The following A2ML1 variants were observed in gnomAD, a reference collection of about 807,000 sequenced individuals.
A2ML1 encodes the protein alpha-2-macroglobulin-like protein 1.
Under a neutral mutation model 181.9 loss-of-function variants are expected in A2ML1, and 161 were observed. The observed-to-expected ratio is 0.89, with a 90% CI of 0.78 to 1.01. The LOEUF (loss-of-function observed/expected upper bound fraction) is 1.01, where lower values mean the gene tolerates loss of function less well. Among genes scored for constraint, A2ML1 ranks in the 50% least tolerant of loss-of-function variants. The probability of loss-of-function intolerance (pLI) is 0.00; values close to 1 mark genes in which losing one functional copy is unlikely to be tolerated. For missense variants in A2ML1, 1,670 were observed against 1,768.1 expected, an observed-to-expected ratio of 0.94 and a Z score of 1.00; for synonymous variants, 663 against 666.8, an observed-to-expected ratio of 0.99 and a Z score of 0.09.
In A2ML1 at chr12:8,829,774, G is replaced by T; in HGVS notation, c.457G>T (p.Asp153Tyr). 6.2e-7 allele frequency: 1 copy of T among 1,613,954 alleles called. No individual in the cohort carries two copies. The highest frequency in any genetic ancestry group is 1.1e-5 in the South Asian group (1 of 91,068). Reference sequence around the variant, plus strand: ...GGATAGCAACTTCGTTCCAGTGAATGACAAGGTGAGTTGGGAGGAGGAGAA... The same window carrying T: ...GGATAGCAACTTCGTTCCAGTGAATTACAAGGTGAGTTGGGAGGAGGAGAA... ...TMDSNFVPVN[D>Y]KYSMVELQDP... The change falls in exon 4 of 36, where the codon GAC becomes TAC. Residue 153 changes from aspartate (D) to tyrosine (Y), a missense_variant. Coordinates refer to ENST00000299698, the MANE Select transcript of A2ML1 (RefSeq NM_144670.6).
intron 29 of A2ML1, among the ~76,000 whole-genome samples, chr12:8,866,526 A>G (rs1944434327): frequency 6.6e-6 from 1 of 152,076 alleles, no homozygotes; most frequent in Non-Finnish European, 1.5e-5. Flanking sequence ...AGTGACAGGT[A>G]TATGTCAGAA....
intron 28 of A2ML1, among the ~76,000 whole-genome samples, chr12:8,863,196 T>C (rs1329424505): frequency 6.6e-6 from 1 of 151,662 alleles, no homozygotes; most frequent in Non-Finnish European, 1.5e-5. Context: ...AACCTCCACC[T>C]CCCGGGTTCA....
intron 4 of A2ML1, 92 bp from the exon 5 acceptor site, chr12:8,834,570 G>A: frequency 1.4e-6 from 2 of 1,477,676 alleles, no homozygotes; most frequent in East Asian, 4.5e-5. Flanking sequence ...AAGAGGGAAA[G>A]GAAGAATTCT....
intron 33 of A2ML1, among the ~76,000 whole-genome samples, chr12:8,872,547 C>T (rs895608231): frequency 3.3e-5 from 5 of 151,654 alleles, no homozygotes; most frequent in South Asian, 2.1e-4. Flanking sequence ...TTTGGGAGGC[C>T]GAGGCGGGTG....
chr12:8,827,734 C>A (rs147427219), intron 3 of A2ML1, among the ~76,000 whole-genome samples: 1 of 152,260 alleles, frequency 6.6e-6, no homozygotes, highest in African/African-American at 2.4e-5. Context: ...TTGTACCTGT[C>A]CTCCTTGGGC....
rs759666595 is a variant in A2ML1, at chr12:8,843,254, C to T, written c.1369C>T (p.Arg457Trp). 2.2e-5 allele frequency: 35 copies of T among 1,614,078 alleles called. No individual in the cohort carries two copies. Among genetic ancestry groups the T allele is most frequent in the South Asian group, 1.9e-4 (17 of 91,084 alleles). Residue 457 changes from arginine (R) to tryptophan (W), a missense_variant, in exon 12 of 36, where the codon CGG (arginine) becomes TGG (tryptophan). By Grantham distance (101) the Arg-to-Trp change is moderately radical. Transcript: ENST00000299698. The stretch of plus-strand genomic sequence containing the variant: ...AACCCGCAGCTTCCTTGGCATCCAC[C>T]GGCTAAACGGCCCCTTGAAATGTGG... ...STTRSFLGIH[R>W]LNGPLKCGQP...
chr12:8,857,553 T>C lies in A2ML1; in HGVS notation c.3072T>C (p.Ser1024=), dbSNP rs1944112484. The change falls in exon 25 of 36, where the codon AGT becomes AGC. Residue 1024 remains serine, a synonymous_variant. Coordinates refer to ENST00000299698, the MANE Select transcript of A2ML1 (RefSeq NM_144670.6). ...ACAAACACAGCAATGGCTCATACAG[T>C]GCCTTTGGGGAGCGAGATGGAAATG... ...LMYKHSNGSY[S]AFGERDGNGN... is the part of the protein sequence containing the mutation. 1 of 1,612,142 alleles carries C rather than the reference T, an allele frequency of 6.2e-7. No homozygotes were observed. Among genetic ancestry groups the C allele is most frequent in the Non-Finnish European group, 8.5e-7 (1 of 1,179,288 alleles).
intron 12 of A2ML1, among the ~76,000 whole-genome samples, chr12:8,843,875 C>T (rs368619769): frequency 8.6e-5 from 13 of 151,924 alleles, no homozygotes; most frequent in South Asian, 2.1e-4. Context: ...CCCGCCACCA[C>T]GCCCAGCTAA....
At position 8,838,401 on chromosome 12, in the gene A2ML1, G is replaced by C. The variant is rs372520121; in HGVS notation, c.921G>C (p.Ala307=). The change falls in exon 9 of 36, where the codon GCG becomes GCC. Residue 307 remains alanine, a synonymous_variant. Coordinates refer to ENST00000299698, the MANE Select transcript of A2ML1 (RefSeq NM_144670.6). ...DMATFDLIGY[A]YSHQINIVAT... ...CCACCTTTGACCTCATTGGATATGC[G>C]TACAGCCATCAAATCAATATTGTGG... The C allele has an allele frequency of 1.6e-5, 26 of 1,613,900 alleles. No homozygotes were observed. The highest frequency in any genetic ancestry group is 2.2e-5 in the Non-Finnish European group (26 of 1,179,902).
At chr12:8,877,295 C>T (rs747725343), downstream of A2ML1, among the ~76,000 whole-genome samples, 1 of 152,078 alleles carries the variant, frequency 6.6e-6, no homozygotes, top group Non-Finnish European at 1.5e-5. Flanking sequence ...ACTGAAAAGT[C>T]AGGGAAAATA....
intron 33 of A2ML1, among the ~76,000 whole-genome samples, chr12:8,870,518 C>T (rs537320705): frequency 1.6e-3 from 240 of 152,322 alleles, no homozygotes; most frequent in Non-Finnish European, 2.4e-3. Flanking sequence ...CCACCCACCT[C>T]GGCCTCCCAA....
chr12:8,875,602 A>ATT (rs35440252), intron 35 of A2ML1: 5 of 150,632 alleles, frequency 3.3e-5, no homozygotes, highest in Non-Finnish European at 5.9e-5. Flanking sequence ...CGCCCAGCTA[A>ATT]TTTTTTTTGT....
At chr12:8,829,654 CAAAAAA>C (rs778132993) in intron 3 of A2ML1, 67 bp from the exon 4 acceptor site, 837 of 1,113,884 alleles carry the variant, frequency 7.5e-4, no homozygotes, top group African/African-American at 1.3e-3. Flanking sequence ...GACCCTGTAT[CAAAAAA>C]AAAAAAAAAA....
At chr12:8,855,115 G>A (rs914630642) in intron 22 of A2ML1, among the ~76,000 whole-genome samples, 2 of 151,986 alleles carry the variant, frequency 1.3e-5, no homozygotes, top group African/African-American at 2.4e-5. Context: ...GGCTGGTCTC[G>A]AACTCCTGAC....
At chr12:8,826,880 A>G (rs373251617) in intron 3 of A2ML1, among the ~76,000 whole-genome samples, 15 of 151,944 alleles carry the variant, frequency 9.9e-5, no homozygotes, top group African/African-American at 3.6e-4. Flanking sequence ...CAGCCTCCCA[A>G]AGTGCTGGGG....
chr12:8,876,912 A>G (rs1944814201), downstream of A2ML1: 2 of 152,224 alleles, frequency 1.3e-5, no homozygotes, highest in African/African-American at 4.8e-5. Context: ...CTTCTCAAAG[A>G]ATCATCTTAA....
Position 8,869,115 on chromosome 12 carries a change from T to C in A2ML1, c.4153-20T>C. On this transcript the variant is annotated intron_variant, in intron 32 of 35. Coordinates refer to ENST00000299698, the MANE Select transcript of A2ML1 (RefSeq NM_144670.6). ...AGGCTCTGGCTCTTAGTATCTTTTT[T>C]TTCTCCCTCTCTTATTCAGCTTCTC... 4 of 1,613,854 alleles carry C rather than the reference T, an allele frequency of 2.5e-6. No individual in the cohort carries two copies. The highest frequency in any genetic ancestry group is 1.3e-5 in the African/African-American group (1 of 75,010).
intron 33 of A2ML1, among the ~76,000 whole-genome samples, chr12:8,872,274 A>G (rs73047829): frequency 0.22 from 33,829 of 151,882 alleles, 4,128 homozygotes; most frequent in Middle Eastern, 0.34. Context: ...AAATGATAGA[A>G]AAGAACAGTG....
intron 20 of A2ML1, 121 bp from the exon 21 acceptor site, chr12:8,854,007 G>A: frequency 1.6e-6 from 2 of 1,281,790 alleles, no homozygotes; most frequent in South Asian, 2.2e-5. Flanking sequence ...GTCTATGGCA[G>A]CAGAGTTTGC....
Sources: gnomAD v4.1 joint callset for allele counts (sites outside exome capture counted in the v4.1 genomes callset) on GRCh38, gnomAD v4.1.1 for gene constraint, MANE v1.5 for transcripts, NCBI Gene and HGNC (gene_info 2026-07-23, HGNC 2026-07-21) for gene names.